The following MPC2 variants were observed in gnomAD, a reference collection of about 807,000 sequenced individuals.
MPC2 encodes brain protein 44.
MPC2 carries 19 observed loss-of-function variants against 19.2 expected under a neutral mutation model. That is an observed-to-expected ratio of 0.99 (90% CI 0.69 to 1.45). The LOEUF (loss-of-function observed/expected upper bound fraction) is 1.45, where lower values mean the gene tolerates loss of function less well. Among genes scored for constraint, MPC2 ranks in the 40% most tolerant of loss-of-function variants. MPC2 has a pLI of 0.00. For missense variants in MPC2, 122 were observed against 153.0 expected (o/e 0.80, Z 1.07); for synonymous variants, 61 against 54.3 (o/e 1.12, Z -0.54).
chr1:167,931,184 G>A (rs1321856304), intron 2 of MPC2, among the ~76,000 whole-genome samples: 4 of 152,102 alleles, frequency 2.6e-5, no homozygotes, highest in Non-Finnish European at 4.4e-5. Flanking sequence ...CACACGCCTC[G>A]GCCTCCCAAA....
At position 167,937,018 on chromosome 1, in the gene MPC2, G is replaced by A. The variant is rs1571538134; in HGVS notation, c.-137C>T. The A allele has an allele frequency of 2.5e-6, 4 of 1,603,168 alleles. No homozygotes were observed. The highest frequency in any genetic ancestry group is 3.4e-6 in the Non-Finnish European group (4 of 1,175,518). ...CGGAGTCGCTACCTGGGTGAGCGGGGGCCCCGGGGCGGAGGCGCTGAGGTC... is the reference window on the plus strand; with the variant it reads ...CGGAGTCGCTACCTGGGTGAGCGGGAGCCCCGGGGCGGAGGCGCTGAGGTC... On this transcript the variant is annotated 5_prime_UTR_variant, in exon 1 of 6. Transcript: ENST00000271373.
At chr1:167,936,774 C>A in intron 1 of MPC2, 165 bp downstream of exon 1, 1 of 730,408 alleles carries the variant, frequency 1.4e-6, no homozygotes, top group Non-Finnish European at 2.3e-6. Context: ...GCTGCTGCCA[C>A]CGCCATCTAA....
rs1279975689 is a variant in MPC2, at chr1:167,916,979, AAGGTT to A, written c.*1339_*1343del. On this transcript the variant is annotated 3_prime_UTR_variant, in exon 6 of 6. Coordinates refer to ENST00000271373, the MANE Select transcript of MPC2 (RefSeq NM_001143674.4). The stretch of plus-strand genomic sequence containing the variant: ...GGTTAAGGGACAGATGATAAAGTAC[AAGGTT>A]TTCAATTGCTAACTGCCAAATTTTC... 2 of 152,208 alleles carry A rather than the reference AAGGTT, an allele frequency of 1.3e-5. No individual in the cohort carries two copies. Among genetic ancestry groups the A allele is most frequent in the Admixed American group, 6.5e-5 (1 of 15,286 alleles). 9.4% of individuals were successfully genotyped at this position (152,208 alleles called of 1,614,324 possible).
chr1:167,923,877 T>A (rs1446062489), intron 3 of MPC2, among the ~76,000 whole-genome samples: 1 of 152,162 alleles, frequency 6.6e-6, no homozygotes, highest in Non-Finnish European at 1.5e-5. Context: ...TCCAGAGAGA[T>A]GACACTTTGA....
intron 3 of MPC2, 54 bp from the exon 4 acceptor site, chr1:167,920,685 T>C: frequency 6.6e-7 from 1 of 1,526,088 alleles, no homozygotes; most frequent in South Asian, 1.3e-5. Flanking sequence ...GAGTAATAGT[T>C]TTAACTTTAA....
At position 167,918,309 on chromosome 1, in the gene MPC2, G is replaced by A. The variant is rs1158807982; in HGVS notation, c.*14C>T. The A allele has an allele frequency of 2.6e-6, 4 of 1,563,538 alleles. No homozygotes were observed. Among genetic ancestry groups the A allele is most frequent in the South Asian group, 1.1e-5 (1 of 88,798 alleles). On this transcript the variant is annotated 3_prime_UTR_variant, in exon 6 of 6. Transcript: ENST00000271373. The stretch of plus-strand genomic sequence containing the variant: ...TTGTCCACATCTAGATTGTTCAGGT[G>A]ATCAGGAACTCTTTTATTTGTGTGC...
intron 5 of MPC2, among the ~76,000 whole-genome samples, chr1:167,919,721 G>GT (rs1322691916): frequency 6.6e-6 from 1 of 152,070 alleles, no homozygotes; most frequent in Non-Finnish European, 1.5e-5. Flanking sequence ...TAAAAACTAG[G>GT]TAACATACTG....
chr1:167,925,510 TACAA>T (rs1471145683), intron 2 of MPC2, among the ~76,000 whole-genome samples: 2 of 136,028 alleles, frequency 1.5e-5, no homozygotes, highest in African/African-American at 5.3e-5. Context: ...TATATACACA[TACAA>T]ACAACGTTTT....
At chr1:167,925,475 A>ATATG (rs60741565) in intron 2 of MPC2, among the ~76,000 whole-genome samples, 1 of 98,502 alleles carries the variant, frequency 1.0e-5, no homozygotes, top group African/African-American at 5.5e-5. Flanking sequence ...ATATATATAT[A>ATATG]CATATACATA....
At chr1:167,933,322 T>C (rs551625558) in intron 2 of MPC2, among the ~76,000 whole-genome samples, 1 of 152,126 alleles carries the variant, frequency 6.6e-6, no homozygotes, top group East Asian at 1.9e-4. Flanking sequence ...CACCCGCCAC[T>C]ACACCCGGCT....
chr1:167,919,084 A>G (rs1256413155), intron 5 of MPC2, among the ~76,000 whole-genome samples: 3 of 152,258 alleles, frequency 2.0e-5, no homozygotes, highest in African/African-American at 7.2e-5. Context: ...TAAGAATAAG[A>G]TCAACAGGTA....
chr1:167,929,805 T>G (rs1014886425), intron 2 of MPC2, among the ~76,000 whole-genome samples: 1 of 152,204 alleles, frequency 6.6e-6, no homozygotes, highest in East Asian at 1.9e-4. Context: ...GATTGAGGTA[T>G]TCACTATATC....
intron 1 of MPC2, 67 bp downstream of exon 1, chr1:167,936,872 C>T (rs776464027): frequency 2.6e-6 from 4 of 1,519,182 alleles, no homozygotes; most frequent in African/African-American, 1.4e-5. Flanking sequence ...TCCCCTCCCC[C>T]ACGCGGTGGT....
chr1:167,927,319 T>C (rs900147655), intron 2 of MPC2, among the ~76,000 whole-genome samples: 4 of 152,228 alleles, frequency 2.6e-5, no homozygotes, highest in African/African-American at 7.2e-5. Context: ...ATTAATCCTA[T>C]AAGTCAGTCT....
Position 167,937,065 on chromosome 1 carries a change from G to T in MPC2, c.-184C>A. On this transcript the variant is annotated 5_prime_UTR_variant, in exon 1 of 6. Transcript: ENST00000271373. ...GGTCGCCGCCTAGAGTGGGGGAGGG[G>T]GCACGCTGCCGGGTCTGTTGGAGGT... 2 of 1,457,872 alleles carry T rather than the reference G, an allele frequency of 1.4e-6. No homozygotes were observed. Among genetic ancestry groups the T allele is most frequent in the East Asian group, 2.4e-5 (1 of 42,544 alleles). The allele number at this position is 1,457,872 out of a possible 1,614,324, so 90.3% of individuals were successfully genotyped here. A position where few individuals can be genotyped will look rare whatever the true frequency, so the allele number is the denominator to read the frequency against.
At chr1:167,931,811 A>G (rs768124972) in intron 2 of MPC2, among the ~76,000 whole-genome samples, 3 of 152,186 alleles carry the variant, frequency 2.0e-5, no homozygotes, top group Non-Finnish European at 4.4e-5. Flanking sequence ...TATGATACAG[A>G]TATTTCCTTA....
At chr1:167,933,753 G>A (rs1191149508) in intron 2 of MPC2, among the ~76,000 whole-genome samples, 1 of 152,114 alleles carries the variant, frequency 6.6e-6, no homozygotes, top group African/African-American at 2.4e-5. Flanking sequence ...ATCAGTCAAC[G>A]TATTTTTCAA....
Position 167,916,914 on chromosome 1 carries a change from T to G in MPC2, c.*1409A>C, listed in dbSNP as rs1235340615. ...TTCAGAACCTCTTCATTGTGGCCTATGTCAAGCTCTCTAATCTTTTCTCCT... is the reference window on the plus strand; with the variant it reads ...TTCAGAACCTCTTCATTGTGGCCTAGGTCAAGCTCTCTAATCTTTTCTCCT... On this transcript the variant is annotated 3_prime_UTR_variant, in exon 6 of 6. Transcript: ENST00000271373. 5 of 152,252 alleles carry G rather than the reference T, an allele frequency of 3.3e-5. No individual in the cohort carries two copies. In the East Asian group the frequency reaches 9.6e-4, roughly 29 times the overall value. The allele number at this position is 152,252 out of a possible 1,614,324, so 9.4% of individuals were successfully genotyped here.
intron 2 of MPC2, among the ~76,000 whole-genome samples, chr1:167,925,970 A>T (rs985994123): frequency 6.6e-6 from 1 of 152,214 alleles, no homozygotes; most frequent in African/African-American, 2.4e-5. Context: ...TTCTAATTTA[A>T]TCCTAAAGTC....
Sources: gnomAD v4.1 joint callset for allele counts (sites outside exome capture counted in the v4.1 genomes callset) on GRCh38, gnomAD v4.1.1 for gene constraint, MANE v1.5 for transcripts, NCBI Gene and HGNC (gene_info 2026-07-23, HGNC 2026-07-21) for gene names.